Variants in IRAK2 observed in about 807,000 individuals in gnomAD.
IRAK2 encodes the protein interleukin-1 receptor-associated kinase-like 2.
In IRAK2, 57 loss-of-function variants were observed where a neutral mutation model predicts 72.0. That is an observed-to-expected ratio of 0.79 (90% CI 0.64 to 0.99). The LOEUF is 0.99. Ranked by LOEUF, IRAK2 falls within the 50% of genes least tolerant of loss-of-function variation. The pLI is 0.00. For synonymous variants in IRAK2, 293 were observed against 312.7 expected (o/e 0.94, Z 0.67); for missense variants, 790 against 794.4 (o/e 0.99, Z 0.07).
chr3:10,219,404 T>C (rs1697653466), intron 7 of IRAK2, among the ~76,000 whole-genome samples: 1 of 151,956 alleles, frequency 6.6e-6, no homozygotes, highest in Non-Finnish European at 1.5e-5. Context: ...CTGCAAGCTC[T>C]GCCTCCTGGG....
chr3:10,213,584 A>C (rs760837742), intron 6 of IRAK2, 36 bp downstream of exon 6: 265 of 1,506,964 alleles, frequency 1.8e-4, no homozygotes, highest in Non-Finnish European at 2.3e-4. Flanking sequence ...AATGATAGCT[A>C]ACCTTTATAT....
chr3:10,235,756 A>G (rs1697946259), intron 11 of IRAK2, among the ~76,000 whole-genome samples: 1 of 152,176 alleles, frequency 6.6e-6, no homozygotes. Context: ...ATTTTACAGA[A>G]GGGCAAGTGA....
intron 2 of IRAK2, among the ~76,000 whole-genome samples, chr3:10,183,188 C>T (rs1696990289): frequency 6.6e-6 from 1 of 152,168 alleles, no homozygotes; most frequent in Admixed American, 6.6e-5. Context: ...CTTACCTCTC[C>T]AGGGGATGTG....
chr3:10,167,493 C>T (rs528983634), intron 1 of IRAK2, among the ~76,000 whole-genome samples: 14 of 152,058 alleles, frequency 9.2e-5, no homozygotes, highest in African/African-American at 2.4e-4. Context: ...CGGCTCACTG[C>T]AAGCTCCACC....
At chr3:10,177,752 A>G in intron 1 of IRAK2, 86 bp from the exon 2 acceptor site, 5 of 1,357,320 alleles carry the variant, frequency 3.7e-6, no homozygotes, top group Non-Finnish European at 5.2e-6. Flanking sequence ...ATGTCCTGGA[A>G]AAGCCCAGCT....
chr3:10,183,801 C>G (rs1209126887), intron 2 of IRAK2, among the ~76,000 whole-genome samples: 2 of 152,230 alleles, frequency 1.3e-5, no homozygotes, highest in Non-Finnish European at 2.9e-5. Flanking sequence ...GCTACCCATT[C>G]CTTGCCCTAG....
chr3:10,215,311 T>C (rs1441118450), intron 6 of IRAK2, among the ~76,000 whole-genome samples: 1 of 149,498 alleles, frequency 6.7e-6, no homozygotes, highest in Non-Finnish European at 1.5e-5. Context: ...TGAGAATCAC[T>C]TGAGCCCAGA....
At chr3:10,181,670 A>T in intron 2 of IRAK2, among the ~76,000 whole-genome samples, 1 of 152,306 alleles carries the variant, frequency 6.6e-6, no homozygotes, top group East Asian at 1.9e-4. Context: ...TAAATGCCCA[A>T]CAACAATAAC....
chr3:10,212,531 C>G (rs1353059249), intron 4 of IRAK2, among the ~76,000 whole-genome samples: 1 of 152,138 alleles, frequency 6.6e-6, no homozygotes, highest in Non-Finnish European at 1.5e-5. Flanking sequence ...GACCTCACTT[C>G]AGCTGTTTTA....
intron 4 of IRAK2, among the ~76,000 whole-genome samples, chr3:10,210,041 T>C (rs936064189): frequency 2.6e-5 from 4 of 152,108 alleles, no homozygotes; most frequent in Admixed American, 2.6e-4. Context: ...TGCCTCAGCC[T>C]CCCAAGTAGC....
intron 10 of IRAK2, among the ~76,000 whole-genome samples, chr3:10,229,010 T>C (rs1288172926): frequency 6.6e-6 from 1 of 151,760 alleles, no homozygotes; most frequent in Non-Finnish European, 1.5e-5. Context: ...CTTGGCTCAC[T>C]GCAACCTCCA....
chr3:10,191,547 G>A (rs1236960276), intron 2 of IRAK2, among the ~76,000 whole-genome samples: 2 of 152,160 alleles, frequency 1.3e-5, no homozygotes, highest in South Asian at 2.1e-4. Context: ...CAGCCACTAC[G>A]GTCATCCTTC....
rs1174908484 is a variant in IRAK2, at chr3:10,219,705, C to G, written c.929C>G (p.Pro310Arg). 6.2e-7 allele frequency: 1 copy of G among 1,613,228 alleles called. No homozygotes were observed. Among genetic ancestry groups the G allele is most frequent in the Non-Finnish European group, 8.5e-7 (1 of 1,179,638 alleles). ...GGTGGCTCGGACCCCCTCCCCTGGC[C>G]CCAGCGTGTCAGCATCTGCTCAGGG... Reference protein sequence around the residue: ...GQGGSDPLPWPQRVSICSGLL... With the variant: ...GQGGSDPLPWRQRVSICSGLL... The change falls in exon 8 of 13, where the codon CCC becomes CGC. Residue 310 changes from proline to arginine, a missense_variant. Pro to Arg is a moderately radical substitution (Grantham distance 103). Coordinates refer to ENST00000256458, the MANE Select transcript of IRAK2 (RefSeq NM_001570.4).
chr3:10,213,508 A>T lies in IRAK2; in HGVS notation c.748A>T (p.Ile250Phe). ...GACAGCCTGTTCAAGTCCAGGATCA[A>T]TCGAAAGATTCTTCCAGGCAGAGTT... Reference protein sequence around the residue: ...RETACSSPGSIERFFQAELQI... With the variant: ...RETACSSPGSFERFFQAELQI... The change falls in exon 6 of 13, where the codon ATC becomes TTC. Residue 250 changes from isoleucine to phenylalanine, a missense_variant. Physicochemically the swap from Ile to Phe is conservative, Grantham distance 21. Coordinates refer to ENST00000256458, the MANE Select transcript of IRAK2 (RefSeq NM_001570.4). 1 of 1,614,184 alleles carries T rather than the reference A, an allele frequency of 6.2e-7. No homozygotes were observed. Among genetic ancestry groups the T allele is most frequent in the Non-Finnish European group, 8.5e-7 (1 of 1,180,014 alleles).
At chr3:10,190,896 A>G (rs1244692075) in intron 2 of IRAK2, among the ~76,000 whole-genome samples, 1 of 152,184 alleles carries the variant, frequency 6.6e-6, no homozygotes, top group Admixed American at 6.6e-5. Context: ...CATCTAGAAC[A>G]TGTGGCTTCC....
intron 11 of IRAK2, among the ~76,000 whole-genome samples, chr3:10,236,069 C>T (rs780164469): frequency 4.6e-5 from 7 of 152,194 alleles, no homozygotes; most frequent in African/African-American, 1.7e-4. Flanking sequence ...TTGTGGTGAG[C>T]GCCAGGACAG....
chr3:10,187,218 A>G (rs1697090080), intron 2 of IRAK2, among the ~76,000 whole-genome samples: 1 of 147,692 alleles, frequency 6.8e-6, no homozygotes, highest in Non-Finnish European at 1.5e-5. Context: ...TTTCTTCCAT[A>G]AGCTATAGGC....
intron 8 of IRAK2, 80 bp downstream of exon 8, chr3:10,219,869 T>A (rs1215400263): frequency 5.7e-6 from 5 of 883,982 alleles, no homozygotes; most frequent in Non-Finnish European, 3.8e-6. Flanking sequence ...CACCTCCCGC[T>A]CCGCCACTCA....
intron 3 of IRAK2, among the ~76,000 whole-genome samples, chr3:10,200,861 A>C (rs71314392): frequency 6.6e-6 from 1 of 152,242 alleles, no homozygotes; most frequent in African/African-American, 2.4e-5. Context: ...TGATCACACC[A>C]CTGCACTCCA....
Sources: gnomAD v4.1 joint callset for allele counts (sites outside exome capture counted in the v4.1 genomes callset) on GRCh38, gnomAD v4.1.1 for gene constraint, MANE v1.5 for transcripts, NCBI Gene and HGNC (gene_info 2026-07-23, HGNC 2026-07-21) for gene names.